The following ERBB4 variants were observed in gnomAD, a reference collection of about 807,000 sequenced individuals.
ERBB4 encodes erb-b2 receptor tyrosine kinase 4.
In ERBB4, 42 loss-of-function variants were observed where a neutral mutation model predicts 158.0. The ratio of observed to expected loss-of-function variants is 0.27; its 90% confidence interval spans 0.21 to 0.34. The LOEUF (loss-of-function observed/expected upper bound fraction) is 0.34, where lower values mean the gene tolerates loss of function less well. Among genes scored for constraint, ERBB4 ranks in the 10% least tolerant of loss-of-function variants. ERBB4 has a pLI of 1.00. For missense variants in ERBB4, 1,333 were observed against 1,624.1 expected (o/e 0.82, Z 3.08); for synonymous variants, 583 against 558.7 (o/e 1.04, Z -0.61).
intron 1 of ERBB4, among the ~76,000 whole-genome samples, chr2:212,246,887 T>C (rs961483785): frequency 3.3e-5 from 5 of 152,176 alleles, no homozygotes; most frequent in Non-Finnish European, 7.4e-5. Flanking sequence ...ATCTAAGTTA[T>C]TTCCTGAATT....
chr2:212,372,735 C>A (rs368650940), intron 1 of ERBB4, among the ~76,000 whole-genome samples: 4 of 152,092 alleles, frequency 2.6e-5, no homozygotes, highest in Admixed American at 6.6e-5. Flanking sequence ...GGCGACAGAG[C>A]GAGACTCCGT....
chr2:212,215,139 T>C (rs767682463), intron 1 of ERBB4, among the ~76,000 whole-genome samples: 2 of 151,572 alleles, frequency 1.3e-5, no homozygotes, highest in Non-Finnish European at 3.0e-5. Flanking sequence ...GTCACCTGAT[T>C]TGGGAGGTGA....
At chr2:211,854,215 A>T (rs1232861295) in intron 3 of ERBB4, among the ~76,000 whole-genome samples, 1 of 152,146 alleles carries the variant, frequency 6.6e-6, no homozygotes, top group African/African-American at 2.4e-5. Flanking sequence ...CATCTACAAA[A>T]TCAAGGAGTC....
At chr2:211,392,598 A>ACACC (rs781076131) in intron 25 of ERBB4, among the ~76,000 whole-genome samples, 8 of 141,882 alleles carry the variant, frequency 5.6e-5, no homozygotes, top group African/African-American at 2.1e-4. Context: ...ACACACACAC[A>ACACC]CACCCCAATA....
chr2:211,738,019 A>G (rs939241618), intron 5 of ERBB4, among the ~76,000 whole-genome samples: 6 of 151,592 alleles, frequency 4.0e-5, no homozygotes, highest in African/African-American at 1.4e-4. Context: ...TTTCATGCAT[A>G]TGATAATCTA....
rs564581330 is a variant in ERBB4 at position 211,847,575 on chromosome 2, C to T, written c.422-59416G>A. The stretch of plus-strand genomic sequence containing the variant: ...TGCAGTCCACAGGCCACATGTGGCC[C>T]AGAACAGCTTTGAATGTGGCCCAAA... On this transcript the variant is annotated intron_variant, in intron 3 of 27. Coordinates refer to ENST00000342788, the MANE Select transcript of ERBB4 (RefSeq NM_005235.3). 3.9e-4 allele frequency among the ~76,000 whole-genome samples: 60 copies of T among 152,222 alleles called. 1 individual carries two copies. Among genetic ancestry groups the T allele is most frequent in the Admixed American group, 2.7e-3 (41 of 15,272 alleles).
At chr2:212,064,454 A>T (rs896041512) in intron 2 of ERBB4, among the ~76,000 whole-genome samples, 4 of 152,122 alleles carry the variant, frequency 2.6e-5, no homozygotes, top group African/African-American at 4.8e-5. Context: ...GAAAAGAGTG[A>T]AGAATTTAGA....
At chr2:211,475,800 A>C (rs1430790976) in intron 20 of ERBB4, among the ~76,000 whole-genome samples, 1 of 152,140 alleles carries the variant, frequency 6.6e-6, no homozygotes, top group Non-Finnish European at 1.5e-5. Context: ...GGATTAAGTG[A>C]AATTTATTTA....
rs1260153486 is a variant in ERBB4 at position 211,428,445 on chromosome 2, G to A, written c.2682C>T (p.Tyr894=). The change falls in exon 22 of 28, where the codon TAC becomes TAT. Residue 894 remains tyrosine (Y), a synonymous_variant. Transcript: ENST00000342788. Reference sequence around the variant, plus strand: ...CGTCACTCTGATGGGTGAATTTCCTGTAATGTATACACTCCAGAGCCATCC... The same window carrying A: ...CGTCACTCTGATGGGTGAATTTCCTATAATGTATACACTCCAGAGCCATCC... ...IKWMALECIH[Y]RKFTHQSDVW... The A allele has an allele frequency of 6.3e-7, 1 of 1,592,910 alleles. No individual in the cohort carries two copies. The highest frequency in any genetic ancestry group is 8.6e-7 in the Non-Finnish European group (1 of 1,161,830).
chr2:211,966,450 C>T (rs2081314245), intron 2 of ERBB4, among the ~76,000 whole-genome samples: 1 of 151,960 alleles, frequency 6.6e-6, no homozygotes, highest in African/African-American at 2.4e-5. Flanking sequence ...CTGTGTTGGC[C>T]AGGCTGGTCT....
chr2:211,913,428 T>C lies in ERBB4; in HGVS notation c.421+34002A>G, dbSNP rs550816612. On this transcript the variant is annotated intron_variant, in intron 3 of 27. Coordinates refer to ENST00000342788, the MANE Select transcript of ERBB4 (RefSeq NM_005235.3). ...TCAGCCTGGCCAAAATGGTGAAACCTCGTCTCGACTAAAACTACAAAAATT... is the reference window on the plus strand; with the variant it reads ...TCAGCCTGGCCAAAATGGTGAAACCCCGTCTCGACTAAAACTACAAAAATT... 3.3e-5 allele frequency among the ~76,000 whole-genome samples: 5 copies of C among 151,908 alleles called. No individual in the cohort carries two copies. The Middle Eastern group carries it at 0.01, about 310-fold the overall frequency.
chr2:211,601,401 G>A (rs565418599), intron 19 of ERBB4, among the ~76,000 whole-genome samples: 1 of 151,916 alleles, frequency 6.6e-6, no homozygotes, highest in East Asian at 1.9e-4. Context: ...TTGGGGGTGG[G>A]GACGGGAATC....
At position 211,677,540 on chromosome 2, in the gene ERBB4, G is replaced by A. The variant is rs545634527; in HGVS notation, c.1622+1512C>T. 4.7e-5 allele frequency among the ~76,000 whole-genome samples: 7 copies of A among 150,252 alleles called. No homozygotes were observed. In the South Asian group the frequency reaches 1.5e-3, roughly 32 times the overall value. Reference sequence around the variant, plus strand: ...ATCAGGCCATTGCACTCCAGCCTGGGCAACAGGAGCAAAACTTAGACTCAA... The same window carrying A: ...ATCAGGCCATTGCACTCCAGCCTGGACAACAGGAGCAAAACTTAGACTCAA... On this transcript the variant is annotated intron_variant, in intron 13 of 27. Transcript: ENST00000342788.
chr2:212,377,144 T>C lies in ERBB4; in HGVS notation c.82+161305A>G, dbSNP rs561990650. On this transcript the variant is annotated intron_variant, in intron 1 of 27. Transcript: ENST00000342788. ...GCTCTTACGTGATACTGTAAAATCA[T>C]AGAGGTAGTACTAAAATGACTGAAG... 2.0e-5 allele frequency among the ~76,000 whole-genome samples: 3 copies of C among 150,930 alleles called. No individual in the cohort carries two copies. The South Asian group carries it at 6.3e-4, about 31-fold the overall frequency.
At chr2:211,977,565 C>T (rs968997428) in intron 2 of ERBB4, among the ~76,000 whole-genome samples, 3 of 105,330 alleles carry the variant, frequency 2.8e-5, no homozygotes, top group Non-Finnish European at 5.9e-5. Flanking sequence ...TGGCTGGGTC[C>T]GGTGGCTCAT....
intron 16 of ERBB4, chr2:211,657,531 ATGGTGTTACTAAC>A: frequency 1.9e-6 from 1 of 527,320 alleles, no homozygotes; most frequent in Non-Finnish European, 3.4e-6. Flanking sequence ...AAAGAAATCG[ATGGTGTTACTAAC>A]TGGGACTCTT....
At chr2:211,466,999 G>A (rs2064710367) in intron 20 of ERBB4, among the ~76,000 whole-genome samples, 1 of 152,026 alleles carries the variant, frequency 6.6e-6, no homozygotes. Context: ...AAGGTGTAAT[G>A]CATTATATTA....
At chr2:211,816,499 C>T (rs1348006066) in intron 3 of ERBB4, among the ~76,000 whole-genome samples, 2 of 140,152 alleles carry the variant, frequency 1.4e-5, no homozygotes, top group African/African-American at 5.5e-5. Flanking sequence ...CAAGATCATA[C>T]CACTGCACTC....
chr2:212,182,352 G>GT lies in ERBB4; in HGVS notation c.83-57450dup, dbSNP rs1233388683. Among the ~76,000 whole-genome samples, 7 of 151,840 alleles carry GT rather than the reference G, an allele frequency of 4.6e-5. No homozygotes were observed. In the East Asian group the frequency reaches 1.2e-3, roughly 25 times the overall value. ...GCACTCTTAATCACAATTCTTGACAGTTTTTTTGATCCATCTTATTTATAA... is the reference window on the plus strand; with the variant it reads ...GCACTCTTAATCACAATTCTTGACAGTTTTTTTTGATCCATCTTATTTATAA... On this transcript the variant is annotated intron_variant, in intron 1 of 27. Coordinates refer to ENST00000342788, the MANE Select transcript of ERBB4 (RefSeq NM_005235.3).
Sources: allele counts gnomAD v4.1 joint callset (sites outside exome capture counted in the v4.1 genomes callset), GRCh38; gene constraint gnomAD v4.1.1; transcripts MANE v1.5; gene names NCBI Gene and HGNC (gene_info 2026-07-23, HGNC 2026-07-21).